STK32C: variants seen among roughly 807,000 people sequenced by gnomAD.
STK32C encodes serine/threonine kinase 32C, also known as serine/threonine-protein kinase 32C.
In STK32C, 31 loss-of-function variants were observed where a neutral mutation model predicts 56.5. The ratio of observed to expected loss-of-function variants is 0.55; its 90% CI spans 0.41 to 0.74. STK32C has a LOEUF of 0.74. STK32C is among the 30% of genes least tolerant of loss of function. STK32C has a pLI of 0.00. For synonymous variants in STK32C, 309 were observed against 289.4 expected, an observed-to-expected ratio of 1.07 and a Z score of -0.69; for missense variants, 544 against 676.9, an observed-to-expected ratio of 0.80 and a Z score of 2.18.
intron 1 of STK32C, among the ~76,000 whole-genome samples, chr10:132,294,506 C>T (rs367899695): frequency 6.6e-6 from 1 of 152,144 alleles, no homozygotes; most frequent in African/African-American, 2.4e-5. Flanking sequence ...TGGGCTGACA[C>T]TTTCGTAGCA....
chr10:132,284,288 T>G lies in STK32C; in HGVS notation c.262+23284A>C, dbSNP rs558473451. On this transcript the variant is annotated intron_variant, in intron 1 of 11. Coordinates refer to ENST00000298630, the MANE Select transcript of STK32C (RefSeq NM_173575.4). ...AGGTGGAGAACAGGGGCAGGTGAGGTTGGGGGGGGCAGGTGAGGTTGGGGG... is the reference window on the plus strand; with the variant it reads ...AGGTGGAGAACAGGGGCAGGTGAGGGTGGGGGGGGCAGGTGAGGTTGGGGG... 2.6e-4 allele frequency among the ~76,000 whole-genome samples: 29 copies of G among 110,090 alleles called. No individual in the cohort carries two copies. The East Asian group carries it at 5.4e-3, about 20-fold the overall frequency. 72.2% of individuals were successfully genotyped at this position (110,090 alleles called of 152,430 possible). A position where few individuals can be genotyped will look rare whatever the true frequency, so the allele number is the denominator to read the frequency against.
At chr10:132,293,577 A>G (rs2065637733) in intron 1 of STK32C, among the ~76,000 whole-genome samples, 1 of 152,236 alleles carries the variant, frequency 6.6e-6, no homozygotes, top group Non-Finnish European at 1.5e-5. Context: ...CCAGGGGAGC[A>G]AGGCAGCCGG....
intron 2 of STK32C, among the ~76,000 whole-genome samples, chr10:132,229,878 G>A (rs568400816): frequency 3.3e-5 from 5 of 152,362 alleles, no homozygotes; most frequent in East Asian, 1.9e-4. Flanking sequence ...ACTGTGGTGC[G>A]GGAGACAGTG....
chr10:132,224,770 T>C (rs952356630), intron 7 of STK32C, among the ~76,000 whole-genome samples: 70 of 151,922 alleles, frequency 4.6e-4, no homozygotes, highest in Admixed American at 4.6e-4. Flanking sequence ...TGGGTCCAGG[T>C]AGATCAGCCC....
intron 2 of STK32C, among the ~76,000 whole-genome samples, chr10:132,238,349 C>A (rs1204879420): frequency 2.0e-5 from 3 of 152,086 alleles, no homozygotes; most frequent in African/African-American, 7.2e-5. Flanking sequence ...TGAGACCGTT[C>A]GTTATAGTTA....
chr10:132,251,295 G>A lies in STK32C; in HGVS notation c.263-5340C>T, dbSNP rs542407675. 4.6e-5 allele frequency among the ~76,000 whole-genome samples: 7 copies of A among 152,320 alleles called. No homozygotes were observed. The South Asian group carries it at 1.4e-3, about 32-fold the overall frequency. On this transcript the variant is annotated intron_variant, in intron 1 of 11. Coordinates refer to ENST00000298630, the MANE Select transcript of STK32C (RefSeq NM_173575.4). ...GGGCAGAGGCCAGGCCCCTGCAATG[G>A]GAGGAGAGGGAGCAGAGGGACGGGT...
chr10:132,229,152 C>T (rs368216749), intron 2 of STK32C, among the ~76,000 whole-genome samples: 65 of 152,352 alleles, frequency 4.3e-4, no homozygotes, highest in African/African-American at 1.3e-3. Context: ...TTGTGAGCAG[C>T]AGAGCTAACC....
At chr10:132,280,248 C>CA (rs1157777385) in intron 1 of STK32C, among the ~76,000 whole-genome samples, 3 of 136,340 alleles carry the variant, frequency 2.2e-5, no homozygotes, top group Non-Finnish European at 4.7e-5. Context: ...ACACCGTGAC[C>CA]ACGCCCCTGC....
At chr10:132,216,193 G>A (rs965328639) in intron 10 of STK32C, among the ~76,000 whole-genome samples, 25 of 152,296 alleles carry the variant, frequency 1.6e-4, no homozygotes, top group Admixed American at 1.3e-4. Context: ...GGCTGGGCAC[G>A]GTGGCTCACG....
intron 10 of STK32C, among the ~76,000 whole-genome samples, chr10:132,213,575 T>A (rs1319115938): frequency 3.9e-5 from 6 of 152,224 alleles, no homozygotes; most frequent in Non-Finnish European, 8.8e-5. Flanking sequence ...CAGCTCTTAT[T>A]ACCAGATACA....
At chr10:132,322,384 A>G (rs921190691), downstream of STK32C, among the ~76,000 whole-genome samples, 3 of 152,066 alleles carry the variant, frequency 2.0e-5, no homozygotes, top group Admixed American at 1.3e-4. Flanking sequence ...GGCTGACTTA[A>G]TTTTCTTTAT....
chr10:132,275,645 G>A (rs1399070101), intron 1 of STK32C, among the ~76,000 whole-genome samples: 2 of 152,220 alleles, frequency 1.3e-5, no homozygotes, highest in African/African-American at 4.8e-5. Context: ...CCAGCGCAGT[G>A]CAGAGCCACC....
intron 1 of STK32C, among the ~76,000 whole-genome samples, chr10:132,270,385 G>A (rs767254773): frequency 4.6e-5 from 7 of 152,254 alleles, no homozygotes; most frequent in Non-Finnish European, 8.8e-5. Context: ...GGCCCACGCC[G>A]CTGGCCTTGC....
intron 2 of STK32C, among the ~76,000 whole-genome samples, chr10:132,242,512 C>T (rs1017734839): frequency 6.6e-6 from 1 of 152,094 alleles, no homozygotes; most frequent in Non-Finnish European, 1.5e-5. Flanking sequence ...CCTGCAGTTC[C>T]AGCGGCCCAG....
intron 10 of STK32C, among the ~76,000 whole-genome samples, chr10:132,217,914 A>G (rs1039123055): frequency 3.3e-5 from 5 of 152,142 alleles, no homozygotes; most frequent in African/African-American, 1.2e-4. Flanking sequence ...CAGTGTGAAA[A>G]TAGACTAATA....
chr10:132,249,069 C>A (rs1397643807), intron 1 of STK32C: 2 of 479,076 alleles, frequency 4.2e-6, no homozygotes, highest in Middle Eastern at 3.2e-4. Context: ...GCGGCGGCTC[C>A]GGCAGAGGCT....
chr10:132,324,245 C>A, exon 2 of STK32C: 1 of 779,802 alleles, frequency 1.3e-6, no homozygotes, highest in South Asian at 1.3e-5. Flanking sequence ...TACACACCCC[C>A]TCTTGATGGG....
chr10:132,277,389 C>A (rs200380051), intron 1 of STK32C, among the ~76,000 whole-genome samples: 1 of 152,204 alleles, frequency 6.6e-6, no homozygotes, highest in Non-Finnish European at 1.5e-5. Context: ...AGGCTGGGAC[C>A]ACACCAGGGC....
At chr10:132,315,052 C>T (rs543742035) in intron 1 of STK32C, among the ~76,000 whole-genome samples, 1 of 152,192 alleles carries the variant, frequency 6.6e-6, no homozygotes, top group Admixed American at 6.5e-5. Context: ...GAGAATCATT[C>T]GAACCTAAGA....
Sources: gnomAD v4.1 joint callset for allele counts (sites outside exome capture counted in the v4.1 genomes callset) on GRCh38, gnomAD v4.1.1 for gene constraint, MANE v1.5 for transcripts, NCBI Gene and HGNC (gene_info 2026-07-23, HGNC 2026-07-21) for gene names.